The following KMT2D variants were observed in gnomAD, a reference collection of about 807,000 sequenced individuals.
KMT2D encodes lysine methyltransferase 2D, also known as histone-lysine N-methyltransferase 2D.
In KMT2D, 55 loss-of-function variants were observed where a neutral mutation model predicts 512.7. The observed-to-expected ratio is 0.11, with a 90% CI of 0.09 to 0.13. KMT2D has a LOEUF of 0.13. Ranked by LOEUF, KMT2D falls within the 10% of genes least tolerant of loss-of-function variation. The pLI is 1.00. For missense variants in KMT2D, 6,061 were observed against 7,127.9 expected, an observed-to-expected ratio of 0.85 and a Z score of 5.39; for synonymous variants, 2,995 against 2,904.0, an observed-to-expected ratio of 1.03 and a Z score of -1.01.
At chr12:49,027,656 T>A (rs1316182884) in intron 48 of KMT2D, 147 bp downstream of exon 48, 13 of 1,006,474 alleles carry the variant, frequency 1.3e-5, no homozygotes, top group Admixed American at 2.6e-5. Context: ...GGTTTCGCCA[T>A]GTTGGCCAGG....
rs1190525652 is a variant in KMT2D at position 49,031,029 on chromosome 12, G to C, written c.13535C>G (p.Ala4512Gly). 3 of 1,613,756 alleles carry C rather than the reference G, an allele frequency of 1.9e-6. No individual in the cohort carries two copies. Among genetic ancestry groups the C allele is most frequent in the South Asian group, 2.2e-5 (2 of 91,086 alleles). Residue 4512 changes from alanine (A) to glycine (G), a missense_variant, in exon 41 of 55, where the codon GCA (alanine) becomes GGA (glycine). Ala to Gly is a moderately conservative substitution (Grantham distance 60). Around this residue, in one of 16 missense-constraint regions of KMT2D, gnomAD observed 1,600 missense variants for 1,754.9 expected, o/e 0.91. Transcript: ENST00000301067. The part of the protein sequence containing the change: ...LQGTPSNKED[A>G]AARKPLTPKP... ...CGGTGTCAAAGGCTTCCTTGCTGCT[G>C]CATCCTAAGCCAAATAAGCCCATTG...
chr12:49,054,493 C>T lies in KMT2D; in HGVS notation c.400+35G>A. ...ATTGCTGGCTCAGGACTACCCAGCCCTTATCCCATTTCCTGCCCCATTCTC... is the reference window on the plus strand; with the variant it reads ...ATTGCTGGCTCAGGACTACCCAGCCTTTATCCCATTTCCTGCCCCATTCTC... On this transcript the variant is annotated intron_variant, in intron 4 of 54. Transcript: ENST00000301067. This position sits in a 1 kb window ranked among gnomAD's most constrained non-coding sequence, Gnocchi z 6.4. 1 of 1,586,938 alleles carries T rather than the reference C, an allele frequency of 6.3e-7. No homozygotes were observed. The highest frequency in any genetic ancestry group is 8.6e-7 in the Non-Finnish European group (1 of 1,164,998).
At position 49,053,207 on chromosome 12, in the gene KMT2D, C is replaced by T. The variant is rs2120694318; in HGVS notation, c.954G>A (p.Lys318=). The T allele has an allele frequency of 6.2e-7, 1 of 1,612,598 alleles. No homozygotes were observed. The highest frequency in any genetic ancestry group is 8.5e-7 in the Non-Finnish European group (1 of 1,178,624). The part of the protein sequence containing the change: ...EELPAHSWKC[K]ACRVCRACGA... ...TAGGGCAGAATCAGGGTACACTCAC[C>T]TTGCACTTCCAAGAGTGAGCAGGCA... The change falls in exon 8 of 55, where the codon AAG becomes AAA. Residue 318 remains lysine, a splice_region_variant and synonymous_variant. Transcript: ENST00000301067.
In KMT2D at chr12:49,031,907, G is replaced by T; in HGVS notation, c.12798C>A (p.Phe4266Leu). 6.5e-7 allele frequency: 1 copy of T among 1,536,610 alleles called. No individual in the cohort carries two copies. The highest frequency in any genetic ancestry group is 8.7e-7 in the Non-Finnish European group (1 of 1,143,072). ...GGAGGGGGCCTGTCTGTGGTCCAGG[G>T]AAGCCCCCAAGTTGAGGTTGGCAGC... ...LLGCQPQLGG[F>L]PGPQTGPLQE... The change falls in exon 40 of 55, where the codon TTC becomes TTA. Residue 4266 changes from phenylalanine (F) to leucine (L), a missense_variant. Around this residue, in one of 16 missense-constraint regions of KMT2D, gnomAD observed 1,600 missense variants for 1,754.9 expected, o/e 0.91. Coordinates refer to ENST00000301067, the MANE Select transcript of KMT2D (RefSeq NM_003482.4).
Position 49,033,183 on chromosome 12 carries a change from G to A in KMT2D, c.11522C>T (p.Ala3841Val). ...TCCCATAAGGCCCTGACCCTGCTGT[G>A]CCAGCTGGGGGGAACTGAGCACCCG... ...QSRVLSSPQLAQQGQGLMGHR... is the reference protein window; with the variant it reads ...QSRVLSSPQLVQQGQGLMGHR... The change falls in exon 40 of 55, where the codon GCA becomes GTA. Residue 3841 changes from alanine to valine, a missense_variant. Ala to Val is a moderately conservative substitution (Grantham distance 64). This residue lies in a region of KMT2D where 1,600 missense variants were observed against 1,754.9 expected (regional missense o/e 0.91). Coordinates refer to ENST00000301067, the MANE Select transcript of KMT2D (RefSeq NM_003482.4). 1 of 1,549,890 alleles carries A rather than the reference G, an allele frequency of 6.5e-7. No individual in the cohort carries two copies. Among genetic ancestry groups the A allele is most frequent in the Non-Finnish European group, 8.7e-7 (1 of 1,145,984 alleles).
rs1943795057 is a variant in KMT2D at position 49,046,575 on chromosome 12, C to T, written c.4418+34G>A. The stretch of plus-strand genomic sequence containing the variant: ...CATATCCACTTTAACATCTCAAGGC[C>T]CCAGGGCTCCACTGAAGATCCCAGT... On this transcript the variant is annotated intron_variant, in intron 16 of 54. Coordinates refer to ENST00000301067, the MANE Select transcript of KMT2D (RefSeq NM_003482.4). This position sits in a 1 kb window ranked among gnomAD's most constrained non-coding sequence, Gnocchi z 4.2. 6.9e-6 allele frequency: 11 copies of T among 1,595,486 alleles called. No individual in the cohort carries two copies. The highest frequency in any genetic ancestry group is 1.1e-5 in the South Asian group (1 of 88,790).
Position 49,030,892 on chromosome 12 carries a change from C to CCTGTTTCAG in KMT2D, c.13663_13671dup (p.Leu4555_Gln4557dup). The CCTGTTTCAG allele has an allele frequency of 1.9e-6, 3 of 1,613,788 alleles. No homozygotes were observed. The highest frequency in any genetic ancestry group is 2.5e-6 in the Non-Finnish European group (3 of 1,179,782). ...AGGGGGACTGTCTCCTGGGGGGTCACCTGTTTCAGCTGTTTCAGCAAGGCC... is the reference window on the plus strand; with the variant it reads ...AGGGGGACTGTCTCCTGGGGGGTCACCTGTTTCAGCTGTTTCAGCTGTTTCAGCAAGGCC... On this transcript the variant is annotated inframe_insertion and splice_region_variant. Transcript: ENST00000301067.
intron 38 of KMT2D, 23 bp downstream of exon 38, chr12:49,034,387 T>C: frequency 6.2e-7 from 1 of 1,613,526 alleles, no homozygotes; most frequent in Non-Finnish European, 8.5e-7. Flanking sequence ...CCCCTGCACC[T>C]TCCTCCCACG....
In KMT2D at chr12:49,042,962, C is replaced by T. The variant is rs1943609365; in HGVS notation, c.5645-84G>A. On this transcript the variant is annotated intron_variant, in intron 26 of 54. Transcript: ENST00000301067. This position sits in a 1 kb window ranked among gnomAD's most constrained non-coding sequence, Gnocchi z 4.4. ...GTCTACAAATGATCATGGCCAGGAA[C>T]AGTCCAGGACTCCCCACCAGAGAAG... 6.3e-7 allele frequency: 1 copy of T among 1,576,146 alleles called. No homozygotes were observed. Among genetic ancestry groups the T allele is most frequent in the Non-Finnish European group, 8.7e-7 (1 of 1,148,646 alleles).
chr12:49,053,323 T>C lies in KMT2D; in HGVS notation c.840-2A>G, dbSNP rs1555198201. 1.2e-6 allele frequency: 2 copies of C among 1,612,624 alleles called. No homozygotes were observed. Among genetic ancestry groups the C allele is most frequent in the Non-Finnish European group, 8.5e-7 (1 of 1,178,760 alleles). On this transcript the variant is annotated splice_acceptor_variant, in intron 7 of 54. Coordinates refer to ENST00000301067, the MANE Select transcript of KMT2D (RefSeq NM_003482.4). LOFTEE classifies it high-confidence loss of function. ...ATCTTAGAGTCATTCCCAGGTTTCC[T>C]GCAGGTGCACATGGAACATTACAGT...
In KMT2D at chr12:49,060,506, G is replaced by T. The variant is rs960033753; in HGVS notation, c.-931C>A. 1.3e-5 allele frequency among the ~76,000 whole-genome samples: 2 copies of T among 152,212 alleles called. No individual in the cohort carries two copies. The highest frequency in any genetic ancestry group is 6.5e-5 in the Admixed American group (1 of 15,288). ...TGGCCCAACCCCGGCTCCCGGCACC[G>T]GGGGGTCAGGAAACTGAGCGGAAAG... On this transcript the variant is annotated 5_prime_UTR_variant, in exon 1 of 55. Coordinates refer to ENST00000301067, the MANE Select transcript of KMT2D (RefSeq NM_003482.4).
At position 49,042,525 on chromosome 12, in the gene KMT2D, G is replaced by T; in HGVS notation, c.5867+36C>A. ...AACTCAGATGGAGGGAAAGGACAAC[G>T]AGGACTGCCCACAAAGGTTACGCAG... On this transcript the variant is annotated intron_variant, in intron 28 of 54. Transcript: ENST00000301067. This position sits in a 1 kb window ranked among gnomAD's most constrained non-coding sequence, Gnocchi z 4.4. 6.2e-7 allele frequency: 1 copy of T among 1,602,600 alleles called. No individual in the cohort carries two copies.
At chr12:49,034,705 T>A (rs1943132059) in intron 36 of KMT2D, 39 bp from the exon 37 acceptor site, 1 of 1,604,776 alleles carries the variant, frequency 6.2e-7, no homozygotes, top group Admixed American at 1.7e-5. Context: ...GTGTTGGCAA[T>A]AAGAAAGTTG....
chr12:49,056,773 A>G (rs1938435177), intron 1 of KMT2D, among the ~76,000 whole-genome samples: 1 of 152,218 alleles, frequency 6.6e-6, no homozygotes, highest in Non-Finnish European at 1.5e-5. Context: ...TCAGCCACTT[A>G]CGGTTGAATG....
In KMT2D at chr12:49,060,601, C is replaced by A. The variant is rs568907386; in HGVS notation, c.-1026G>T. The stretch of plus-strand genomic sequence containing the variant: ...AGCGCGGCGCCGCTCCGCCTCCCCC[C>A]CTCCGCCTCCTGTTCGGCCGGTAGG... On this transcript the variant is annotated 5_prime_UTR_variant, in exon 1 of 55. Transcript: ENST00000301067. Among the ~76,000 whole-genome samples the A allele has an allele frequency of 5.7e-4, 87 of 152,354 alleles. 2 individuals carry two copies. In the South Asian group the frequency reaches 0.015, roughly 26 times the overall value.
intron 46 of KMT2D, 106 bp downstream of exon 46, chr12:49,028,722 C>T: frequency 7.1e-7 from 1 of 1,416,844 alleles, no homozygotes; most frequent in Non-Finnish European, 9.7e-7. Context: ...ACAATAGGTA[C>T]TCAGTACATG....
Position 49,043,433 on chromosome 12 carries a change from G to A in KMT2D, c.5468-5C>T, listed in dbSNP as rs1171518701. Reference sequence around the variant, plus strand: ...CAATATCTGGACCATCATCTCCTATGAGCAAGAGTCCCCCCTCCAATCAGA... The same window carrying A: ...CAATATCTGGACCATCATCTCCTATAAGCAAGAGTCCCCCCTCCAATCAGA... On this transcript the variant is annotated splice_polypyrimidine_tract_variant and splice_region_variant and intron_variant, in intron 24 of 54. Coordinates refer to ENST00000301067, the MANE Select transcript of KMT2D (RefSeq NM_003482.4). 6.2e-7 allele frequency: 1 copy of A among 1,613,826 alleles called. No individual in the cohort carries two copies. The highest frequency in any genetic ancestry group is 1.7e-5 in the Admixed American group (1 of 60,018).
rs759160504 is a variant in KMT2D, at chr12:49,026,319, T to G, written c.15647A>C (p.Tyr5216Ser). 6.2e-7 allele frequency: 1 copy of G among 1,611,956 alleles called. No homozygotes were observed. Among genetic ancestry groups the G allele is most frequent in the Non-Finnish European group, 8.5e-7 (1 of 1,178,204 alleles). The change falls in exon 49 of 55, where the codon TAT becomes TCT. Residue 5216 changes from tyrosine to serine, a missense_variant. Transcript: ENST00000301067. The surrounding 1 kb of genome is among the most constrained non-coding windows in gnomAD (Gnocchi z 9.6). ...ACGATTGTTGGTGCGGAGGCTCCAA[T>G]AGATGCGCGTGGCCTCGTAGCCCAC... ...YPVGYEATRI[Y>S]WSLRTNNRRC...
intron 43 of KMT2D, among the ~76,000 whole-genome samples, chr12:49,029,677 G>GTTTTTTTT (rs33963995): frequency 2.3e-5 from 3 of 132,078 alleles, no homozygotes; most frequent in East Asian, 2.2e-4. Context: ...TGTTTTTTTT[G>GTTTTTTTT]TTTTTTTTTT....
Sources: allele counts gnomAD v4.1 joint callset (sites outside exome capture counted in the v4.1 genomes callset), GRCh38; gene constraint gnomAD v4.1.1; regional missense constraint gnomAD v4.1.1; non-coding constraint Gnocchi (gnomAD v3.1); transcripts MANE v1.5; gene names NCBI Gene and HGNC (gene_info 2026-07-23, HGNC 2026-07-21).